Variants in ESYT1 observed in about 807,000 individuals in gnomAD.
ESYT1 encodes the protein extended synaptotagmin-1.
Under a neutral mutation model 154.2 loss-of-function variants are expected in ESYT1, and 116 were observed. The observed-to-expected ratio is 0.75, with a 90% CI of 0.65 to 0.88. The LOEUF (loss-of-function observed/expected upper bound fraction) is 0.88, where lower values mean the gene tolerates loss of function less well. ESYT1 is among the 40% of genes least tolerant of loss of function. The pLI, the probability that ESYT1 is intolerant of heterozygous loss-of-function variation, is 0.00. For synonymous variants in ESYT1, 500 were observed against 539.9 expected (o/e 0.93, Z 1.02); for missense variants, 1,264 against 1,379.3 (o/e 0.92, Z 1.32).
chr12:56,128,593 C>G lies in ESYT1; in HGVS notation c.274C>G (p.Arg92Gly). 6.2e-7 allele frequency: 1 copy of G among 1,614,036 alleles called. No homozygotes were observed. Among genetic ancestry groups the G allele is most frequent in the Non-Finnish European group, 8.5e-7 (1 of 1,179,962 alleles). Residue 92 changes from arginine (R) to glycine (G), a missense_variant, in exon 1 of 31, where the codon CGC becomes GGC. By Grantham distance (125) the Arg-to-Gly change is moderately radical (BLOSUM62 -2). Coordinates refer to ENST00000394048, the MANE Select transcript of ESYT1 (RefSeq NM_015292.3). ...CGGCCTCGCCCTCTACCTGGGCTGGCGCCGGGTCCGCGACGAGAAAGAACG... is the reference window on the plus strand; with the variant it reads ...CGGCCTCGCCCTCTACCTGGGCTGGGGCCGGGTCCGCGACGAGAAAGAACG... Reference protein sequence around the residue: ...LFGLALYLGWRRVRDEKERSL... With the variant: ...LFGLALYLGWGRVRDEKERSL...
chr12:56,132,389 T>C, intron 8 of ESYT1, 32 bp from the exon 9 acceptor site: 1 of 1,614,060 alleles, frequency 6.2e-7, no homozygotes, highest in Non-Finnish European at 8.5e-7. Flanking sequence ...TGCTGGGTCC[T>C]TAGTTTCTCA....
rs1592251387 is a variant in ESYT1 at position 56,143,647 on chromosome 12, T to G, written c.3275+18T>G. 6.2e-7 allele frequency: 1 copy of G among 1,611,614 alleles called. No homozygotes were observed. The highest frequency in any genetic ancestry group is 8.5e-7 in the Non-Finnish European group (1 of 1,179,296). Reference sequence around the variant, plus strand: ...GCCCGGTGGTGAGTGTCTGCGTGGGTGGGGGATGGTCTGGATATTTCAGTG... The same window carrying G: ...GCCCGGTGGTGAGTGTCTGCGTGGGGGGGGGATGGTCTGGATATTTCAGTG... On this transcript the variant is annotated intron_variant, in intron 30 of 30. Transcript: ENST00000394048.
chr12:56,143,452 A>G (rs757218827), intron 29 of ESYT1, 119 bp downstream of exon 29: 46 of 1,486,808 alleles, frequency 3.1e-5, no homozygotes, highest in Non-Finnish European at 4.3e-5. Context: ...CACCTCTGCA[A>G]TGGTTTGGGA....
At position 56,142,707 on chromosome 12, in the gene ESYT1, C is replaced by T. The variant is rs746138555; in HGVS notation, c.2863C>T (p.Arg955Trp). The change falls in exon 26 of 31, where the codon CGG becomes TGG. Residue 955 changes from arginine (R) to tryptophan (W), a missense_variant. By Grantham distance (101) the Arg-to-Trp change is moderately radical. Transcript: ENST00000394048. The surrounding 1 kb of genome is among the most constrained non-coding windows in gnomAD (Gnocchi z 4.1). Reference protein sequence around the residue: ...PHITSSAPELRQRLTHVDSPL... With the variant: ...PHITSSAPELWQRLTHVDSPL... ...CATCACCTCCTCAGCCCCAGAGCTC[C>T]GGCAGCGCCTAACACATGTTGACAG... 5.0e-6 allele frequency: 8 copies of T among 1,613,932 alleles called. No individual in the cohort carries two copies. The highest frequency in any genetic ancestry group is 1.3e-5 in the African/African-American group (1 of 75,064).
At chr12:56,128,831 C>T in intron 1 of ESYT1, 122 bp downstream of exon 1, 1 of 1,228,566 alleles carries the variant, frequency 8.1e-7, no homozygotes, top group South Asian at 1.4e-5. Context: ...CCAGACTTTC[C>T]CCTCTCTCCC....
At position 56,131,375 on chromosome 12, in the gene ESYT1, A is replaced by T. The variant is rs1053253680; in HGVS notation, c.714+59A>T. 1.9e-6 allele frequency: 3 copies of T among 1,610,728 alleles called. No homozygotes were observed. The African/African-American group carries it at 4.0e-5, about 22-fold the overall frequency. On this transcript the variant is annotated intron_variant, in intron 5 of 30. Coordinates refer to ENST00000394048, the MANE Select transcript of ESYT1 (RefSeq NM_015292.3). Reference sequence around the variant, plus strand: ...ATGTTTGTCCTGCGTTTCATGGGATATGGGGAAGTGTGAGGTTGGAAAGAC... The same window carrying T: ...ATGTTTGTCCTGCGTTTCATGGGATTTGGGGAAGTGTGAGGTTGGAAAGAC...
In ESYT1 at chr12:56,134,351, A is replaced by C; in HGVS notation, c.1555A>C (p.Ser519Arg). 1 of 1,614,104 alleles carries C rather than the reference A, an allele frequency of 6.2e-7. No individual in the cohort carries two copies. Among genetic ancestry groups the C allele is most frequent in the Non-Finnish European group, 8.5e-7 (1 of 1,179,996 alleles). ...DVTQESKAVY[S>R]TNCPVWEEAF... ...TCCTCTACATCTCCAGGCTGTCTACAGTACCAACTGCCCAGTGTGGGAGGA... is the reference window on the plus strand; with the variant it reads ...TCCTCTACATCTCCAGGCTGTCTACCGTACCAACTGCCCAGTGTGGGAGGA... The change falls in exon 15 of 31, where the codon AGT (serine) becomes CGT (arginine). Residue 519 changes from serine (S) to arginine (R), a missense_variant. Physicochemically the swap from Ser to Arg is moderately radical, Grantham distance 110. Coordinates refer to ENST00000394048, the MANE Select transcript of ESYT1 (RefSeq NM_015292.3).
intron 24 of ESYT1, among the ~76,000 whole-genome samples, chr12:56,141,212 CTT>C (rs1343598155): frequency 1.3e-5 from 2 of 152,140 alleles, no homozygotes; most frequent in Non-Finnish European, 2.9e-5. Context: ...AATAATGTAA[CTT>C]AATGCTAGCA....
intron 1 of ESYT1, 55 bp from the exon 2 acceptor site, chr12:56,130,526 GA>G: frequency 6.2e-7 from 1 of 1,606,948 alleles, no homozygotes; most frequent in Non-Finnish European, 8.5e-7. Context: ...ATCTTAGTAG[GA>G]AACCAGAGGC....
chr12:56,131,557 C>T lies in ESYT1; in HGVS notation c.795C>T (p.Ile265=). The T allele has an allele frequency of 6.2e-7, 1 of 1,614,034 alleles. No homozygotes were observed. Residue 265 remains isoleucine, a synonymous_variant, in exon 6 of 31, where the codon ATC becomes ATT. Coordinates refer to ENST00000394048, the MANE Select transcript of ESYT1 (RefSeq NM_015292.3). ...PFVGAVSMFF[I]RRPTLDINWT... ...TGGGGGCTGTGTCAATGTTCTTCATCCGACGCCCGGTAAGGGAAAACAATG... is the reference window on the plus strand; with the variant it reads ...TGGGGGCTGTGTCAATGTTCTTCATTCGACGCCCGGTAAGGGAAAACAATG...
intron 30 of ESYT1, 68 bp downstream of exon 30, chr12:56,143,697 GA>G (rs1870808771): frequency 6.2e-7 from 1 of 1,609,532 alleles, no homozygotes; most frequent in South Asian, 1.1e-5. Context: ...CACAGGAAAG[GA>G]AAAAAAGATA....
At chr12:56,128,818 GC>G in intron 1 of ESYT1, 109 bp downstream of exon 1, 1 of 1,387,540 alleles carries the variant, frequency 7.2e-7, no homozygotes, top group South Asian at 1.3e-5. Flanking sequence ...GGGACAGTGG[GC>G]CCCAGACTTT....
At chr12:56,132,177 C>A (rs1870261440) in intron 7 of ESYT1, 32 bp from the exon 8 acceptor site, 3 of 1,614,020 alleles carry the variant, frequency 1.9e-6, no homozygotes, top group African/African-American at 2.7e-5. Context: ...GAAGTTGAGG[C>A]CATACCCACT....
chr12:56,128,339 A>G lies in ESYT1; in HGVS notation c.20A>G (p.Glu7Gly). 1 of 1,611,406 alleles carries G rather than the reference A, an allele frequency of 6.2e-7. No individual in the cohort carries two copies. Among genetic ancestry groups the G allele is most frequent in the Non-Finnish European group, 8.5e-7 (1 of 1,179,274 alleles). Residue 7 changes from glutamate (E) to glycine (G), a missense_variant, in exon 1 of 31, where the codon GAG (glutamate) becomes GGG (glycine). Glu to Gly is a moderately conservative substitution (Grantham distance 98, BLOSUM62 -2). Transcript: ENST00000394048. ...GGCACAATGGAGCGATCTCCAGGAG[A>G]GGGCCCCAGCCCCAGCCCCATGGAC... MERSPGEGPSPSPMDQP... is the reference protein window; with the variant it reads MERSPGGGPSPSPMDQP...
In ESYT1 at chr12:56,134,186, G is replaced by C; in HGVS notation, c.1545+5G>C. On this transcript the variant is annotated splice_donor_5th_base_variant and intron_variant, in intron 14 of 30. Coordinates refer to ENST00000394048, the MANE Select transcript of ESYT1 (RefSeq NM_015292.3). ...GATGTGACTCAGGAGAGCAAGGTGA[G>C]GGCCAGGACATCATTGTGGGTGGCC... The C allele has an allele frequency of 6.2e-7, 1 of 1,614,024 alleles. No homozygotes were observed. Among genetic ancestry groups the C allele is most frequent in the East Asian group, 2.2e-5 (1 of 44,884 alleles).
intron 16 of ESYT1, 87 bp from the exon 17 acceptor site, chr12:56,137,131 C>A: frequency 6.5e-7 from 1 of 1,532,804 alleles, no homozygotes; most frequent in South Asian, 1.2e-5. Flanking sequence ...TCCCCTGTCA[C>A]AGCCCCTCCT....
Position 56,143,057 on chromosome 12 carries a change from G to A in ESYT1, c.3028G>A (p.Val1010Met). 6.8e-6 allele frequency: 11 copies of A among 1,614,168 alleles called. No homozygotes were observed. The highest frequency in any genetic ancestry group is 9.3e-6 in the Non-Finnish European group (11 of 1,180,030). Residue 1010 changes from valine (V) to methionine (M), a missense_variant, in exon 28 of 31, where the codon GTG becomes ATG. By Grantham distance (21) the Val-to-Met change is conservative (BLOSUM62 1). Transcript: ENST00000394048. ...QNGRDPPDPY[V>M]SLLLLPDKNR... is the part of the protein sequence containing the mutation. Reference sequence around the variant, plus strand: ...TGGACGTGATCCTCCTGATCCCTATGTGTCACTGTTGCTACTGCCAGACAA... The same window carrying A: ...TGGACGTGATCCTCCTGATCCCTATATGTCACTGTTGCTACTGCCAGACAA...
rs368717672 is a variant in ESYT1, at chr12:56,131,722, G to A, written c.805-27G>A. ...GGTATGACCACACCCCATAGGATCT[G>A]TCCTGACCCCTGCTCTTTCCCTCCA... is the stretch of plus-strand genomic sequence containing the variant. On this transcript the variant is annotated intron_variant, in intron 6 of 30. Transcript: ENST00000394048. 2.3e-5 allele frequency: 37 copies of A among 1,613,770 alleles called. 1 individual carries two copies. In the African/African-American group the frequency reaches 4.0e-4, roughly 17 times the overall value.
At position 56,142,784 on chromosome 12, in the gene ESYT1, C is replaced by T. The variant is rs781578290; in HGVS notation, c.2889-51C>T. The stretch of plus-strand genomic sequence containing the variant: ...ACGCAGTCAGAAATAAAAAGTATTA[C>T]AGGTTCACTAGGCTCTAGCTTTCCC... On this transcript the variant is annotated intron_variant, in intron 26 of 30. Transcript: ENST00000394048. This position sits in a 1 kb window ranked among gnomAD's most constrained non-coding sequence, Gnocchi z 4.1. 4 of 1,613,278 alleles carry T rather than the reference C, an allele frequency of 2.5e-6. No individual in the cohort carries two copies. In the Admixed American group the frequency reaches 6.7e-5, roughly 27 times the overall value.
Sources: gnomAD v4.1 joint callset for allele counts (sites outside exome capture counted in the v4.1 genomes callset) on GRCh38, gnomAD v4.1.1 for gene constraint, Gnocchi (gnomAD v3.1) non-coding constraint, MANE v1.5 for transcripts, NCBI Gene and HGNC (gene_info 2026-07-23, HGNC 2026-07-21) for gene names.